Variants in TAOK3 observed in about 807,000 individuals in gnomAD.
TAOK3 encodes the protein serine/threonine-protein kinase TAO3.
A neutral mutation model predicts 120.4 loss-of-function variants in TAOK3; 40 were observed. That is an observed-to-expected ratio of 0.33 (90% confidence interval 0.26 to 0.43). TAOK3 has a LOEUF of 0.43. Among genes scored for constraint, TAOK3 ranks in the 20% least tolerant of loss-of-function variants. TAOK3 has a pLI of 1.00. For synonymous variants in TAOK3, 355 were observed against 387.5 expected (o/e 0.92, Z 0.99); for missense variants, 821 against 1,112.1 (o/e 0.74, Z 3.72).
intron 1 of TAOK3, among the ~76,000 whole-genome samples, chr12:118,280,162 A>G (rs1377906642): frequency 6.6e-6 from 1 of 150,952 alleles, no homozygotes; most frequent in Non-Finnish European, 1.5e-5. Context: ...CCCGGGTTCA[A>G]GTGATTCTCC....
chr12:118,223,079 T>C (rs1338537428), intron 9 of TAOK3, among the ~76,000 whole-genome samples: 2 of 134,144 alleles, frequency 1.5e-5, no homozygotes, highest in Admixed American at 1.5e-4. Context: ...TTTTTTTTTT[T>C]TTTTTTTTGA....
At chr12:118,247,242 G>A (rs980147427) in intron 3 of TAOK3, among the ~76,000 whole-genome samples, 1 of 151,970 alleles carries the variant, frequency 6.6e-6, no homozygotes, top group Non-Finnish European at 1.5e-5. Context: ...ATCCTAAGGG[G>A]GACTTTGGTT....
At chr12:118,340,646 T>C (rs1288994404) in intron 1 of TAOK3, among the ~76,000 whole-genome samples, 1 of 152,126 alleles carries the variant, frequency 6.6e-6, no homozygotes, top group African/African-American at 2.4e-5. Flanking sequence ...AACTGCCTCA[T>C]ACCCAGCTTT....
intron 9 of TAOK3, among the ~76,000 whole-genome samples, chr12:118,228,970 A>G (rs2039634266): frequency 6.6e-6 from 1 of 152,114 alleles, no homozygotes; most frequent in African/African-American, 2.4e-5. Flanking sequence ...CACCCAGACT[A>G]CAGTGCAGTG....
intron 3 of TAOK3, among the ~76,000 whole-genome samples, chr12:118,247,652 T>C (rs368664967): frequency 4.6e-5 from 7 of 151,990 alleles, no homozygotes; most frequent in African/African-American, 1.7e-4. Flanking sequence ...GTAGCTGGGA[T>C]TACAGGCGGC....
intron 1 of TAOK3, among the ~76,000 whole-genome samples, chr12:118,313,339 T>C (rs1413042478): frequency 2.0e-5 from 3 of 152,102 alleles, no homozygotes; most frequent in Non-Finnish European, 4.4e-5. Flanking sequence ...TGCAATGGCA[T>C]GATCTTGGCT....
chr12:118,277,497 G>A (rs1025733617), intron 1 of TAOK3, among the ~76,000 whole-genome samples: 4 of 151,066 alleles, frequency 2.6e-5, no homozygotes, highest in South Asian at 2.1e-4. Flanking sequence ...GTCTTGCTCC[G>A]TCGCCCAGGT....
chr12:118,205,862 C>T (rs1255258154), intron 11 of TAOK3, among the ~76,000 whole-genome samples: 2 of 152,018 alleles, frequency 1.3e-5, no homozygotes, highest in African/African-American at 4.8e-5. Context: ...CCACCCACCT[C>T]AGCCTCCCAA....
Position 118,150,921 on chromosome 12 carries a change from T to A in TAOK3, c.*76A>T, listed in dbSNP as rs973086581. On this transcript the variant is annotated 3_prime_UTR_variant, in exon 21 of 21. Transcript: ENST00000392533. ...GAGCAACGCCCGTTAAAATGGGGAA[T>A]GTGGTTTTGCAGGGTCTGAATTTTT... 7.2e-7 allele frequency: 1 copy of A among 1,396,896 alleles called. No homozygotes were observed. The highest frequency in any genetic ancestry group is 1.5e-5 in the African/African-American group (1 of 68,754). The allele number at this position is 1,396,896 out of a possible 1,614,324, so 86.5% of individuals were successfully genotyped here. A position where few individuals can be genotyped will look rare whatever the true frequency, so the allele number is the denominator to read the frequency against.
intron 11 of TAOK3, among the ~76,000 whole-genome samples, chr12:118,205,077 G>A (rs1185967647): frequency 6.6e-6 from 1 of 151,970 alleles, no homozygotes; most frequent in African/African-American, 2.4e-5. Flanking sequence ...GGCTGAGGCA[G>A]GAGAATTGCT....
chr12:118,277,888 G>A (rs1228443473), intron 1 of TAOK3, among the ~76,000 whole-genome samples: 1 of 152,118 alleles, frequency 6.6e-6, no homozygotes, highest in East Asian at 1.9e-4. Flanking sequence ...GAAAACACTA[G>A]GGAATATAAT....
At chr12:118,293,848 T>C (rs1391438842) in intron 1 of TAOK3, among the ~76,000 whole-genome samples, 1 of 151,234 alleles carries the variant, frequency 6.6e-6, no homozygotes, top group Non-Finnish European at 1.5e-5. Flanking sequence ...ACCCTGTCTC[T>C]ACTAAAAATA....
chr12:118,242,321 T>G (rs1055934852), intron 5 of TAOK3, among the ~76,000 whole-genome samples: 2 of 152,186 alleles, frequency 1.3e-5, no homozygotes, highest in Non-Finnish European at 2.9e-5. Context: ...TAGCTCTACA[T>G]AAAAGTTCCT....
At chr12:118,167,724 G>C (rs1295692811) in intron 17 of TAOK3, among the ~76,000 whole-genome samples, 1 of 150,388 alleles carries the variant, frequency 6.6e-6, no homozygotes, top group East Asian at 1.9e-4. Context: ...TGGAATCAGA[G>C]AGAGTGTTGA....
At chr12:118,249,171 A>G (rs530609125) in intron 3 of TAOK3, among the ~76,000 whole-genome samples, 1 of 152,322 alleles carries the variant, frequency 6.6e-6, no homozygotes, top group South Asian at 2.1e-4. Context: ...GATTCAAGAA[A>G]TACTTATTAA....
At position 118,193,145 on chromosome 12, in the gene TAOK3, T is replaced by C. The variant is rs568566125; in HGVS notation, c.1195-3204A>G. Reference sequence around the variant, plus strand: ...GGCTCACTGCTACCTCTCCACCTCCTGGGTTCATTTTTGTGCCTCAGCCTC... The same window carrying C: ...GGCTCACTGCTACCTCTCCACCTCCCGGGTTCATTTTTGTGCCTCAGCCTC... On this transcript the variant is annotated intron_variant, in intron 13 of 20. Transcript: ENST00000392533. 4.2e-5 allele frequency among the ~76,000 whole-genome samples: 6 copies of C among 144,222 alleles called. No homozygotes were observed. In the South Asian group the frequency reaches 1.4e-3, roughly 34 times the overall value. 94.6% of individuals were successfully genotyped at this position (144,222 alleles called of 152,430 possible).
chr12:118,279,963 C>T (rs113677443), intron 1 of TAOK3, among the ~76,000 whole-genome samples: 117 of 151,476 alleles, frequency 7.7e-4, no homozygotes, highest in Middle Eastern at 3.4e-3. Flanking sequence ...GATGGGGTTT[C>T]ACTATGTTGG....
chr12:118,226,393 G>A (rs1444593313), intron 9 of TAOK3, among the ~76,000 whole-genome samples: 5 of 151,760 alleles, frequency 3.3e-5, no homozygotes, highest in African/African-American at 1.2e-4. Context: ...AATTAGCCGG[G>A]CGTGGTGGCA....
intron 2 of TAOK3, among the ~76,000 whole-genome samples, chr12:118,265,345 T>C (rs915077942): frequency 1.4e-5 from 2 of 141,644 alleles, no homozygotes; most frequent in Non-Finnish European, 1.5e-5. Context: ...GCTGAGATCA[T>C]GCCACTCCAC....
Sources: allele counts gnomAD v4.1 joint callset (sites outside exome capture counted in the v4.1 genomes callset), GRCh38; gene constraint gnomAD v4.1.1; transcripts MANE v1.5; gene names NCBI Gene and HGNC (gene_info 2026-07-23, HGNC 2026-07-21).